SLC25A21: variants seen among roughly 807,000 people sequenced by gnomAD.
SLC25A21 encodes mitochondrial 2-oxodicarboxylate carrier.
In SLC25A21, 47 loss-of-function variants were observed where a neutral mutation model predicts 43.8. That is an observed-to-expected ratio of 1.07 (90% CI 0.85 to 1.37). SLC25A21 has a LOEUF of 1.37. Among genes scored for constraint, SLC25A21 ranks in the 40% most tolerant of loss-of-function variants. The probability of loss-of-function intolerance (pLI) is 0.00; values close to 1 mark genes in which losing one functional copy is unlikely to be tolerated. For synonymous variants in SLC25A21, 131 were observed against 121.3 expected (o/e 1.08, Z -0.52); for missense variants, 352 against 350.2 (o/e 1.00, Z -0.04).
chr14:36,877,693 G>A (rs1371959271), intron 1 of SLC25A21, among the ~76,000 whole-genome samples: 1 of 152,098 alleles, frequency 6.6e-6, no homozygotes, highest in Non-Finnish European at 1.5e-5. Flanking sequence ...AAGGCAGACA[G>A]AGGACAGCAT....
chr14:36,934,862 C>T (rs1892381085), intron 1 of SLC25A21, among the ~76,000 whole-genome samples: 1 of 151,964 alleles, frequency 6.6e-6, no homozygotes, highest in Non-Finnish European at 1.5e-5. Flanking sequence ...GTACTATTTC[C>T]ATCTTAATTG....
chr14:36,964,968 T>C (rs1251821285), intron 1 of SLC25A21, among the ~76,000 whole-genome samples: 1 of 152,190 alleles, frequency 6.6e-6, no homozygotes, highest in Non-Finnish European at 1.5e-5. Flanking sequence ...TAAACTTTTC[T>C]AAATTAACTG....
chr14:36,725,515 A>G, intron 6 of SLC25A21, 55 bp downstream of exon 6: 1 of 630,676 alleles, frequency 1.6e-6, no homozygotes, highest in Non-Finnish European at 2.3e-6. Flanking sequence ...AAATAAATAA[A>G]TAAATAAATA....
chr14:36,967,469 T>C (rs931032576), intron 1 of SLC25A21, among the ~76,000 whole-genome samples: 4 of 152,162 alleles, frequency 2.6e-5, no homozygotes, highest in African/African-American at 9.7e-5. Flanking sequence ...TGTATAGTCA[T>C]TTGACCTGAA....
At chr14:36,748,791 C>T (rs371804686) in intron 3 of SLC25A21, among the ~76,000 whole-genome samples, 36 of 152,276 alleles carry the variant, frequency 2.4e-4, no homozygotes, top group Middle Eastern at 3.4e-3. Context: ...CACCTACTAA[C>T]CATCTCCACG....
chr14:36,758,601 A>AAAG (rs1886024091), intron 3 of SLC25A21, among the ~76,000 whole-genome samples: 1 of 151,988 alleles, frequency 6.6e-6, no homozygotes, highest in Admixed American at 6.6e-5. Context: ...AAAAAAAAAA[A>AAAG]AAAAAAGGAG....
chr14:36,809,740 C>A (rs1395982631), intron 3 of SLC25A21, among the ~76,000 whole-genome samples: 1 of 152,126 alleles, frequency 6.6e-6, no homozygotes, highest in Non-Finnish European at 1.5e-5. Flanking sequence ...AAAGGACAAG[C>A]TCTCAAAACC....
intron 2 of SLC25A21, among the ~76,000 whole-genome samples, chr14:36,814,491 C>T (rs1181045143): frequency 6.6e-6 from 1 of 152,020 alleles, no homozygotes; most frequent in Non-Finnish European, 1.5e-5. Context: ...CCAAACAACC[C>T]CATCAAAAAG....
intron 3 of SLC25A21, among the ~76,000 whole-genome samples, chr14:36,810,567 C>G (rs1298577304): frequency 3.3e-5 from 5 of 152,164 alleles, no homozygotes; most frequent in African/African-American, 4.8e-5. Flanking sequence ...ACTTTTGTCA[C>G]TAGGTGACCT....
chr14:37,118,739 G>C (rs1339347660), intron 1 of SLC25A21, among the ~76,000 whole-genome samples: 3 of 152,112 alleles, frequency 2.0e-5, no homozygotes, highest in Middle Eastern at 3.4e-3. Flanking sequence ...CTTATTCCTT[G>C]ACTCCCATGG....
intron 1 of SLC25A21, among the ~76,000 whole-genome samples, chr14:37,083,392 A>G (rs552853124): frequency 6.6e-6 from 1 of 152,322 alleles, no homozygotes; most frequent in Non-Finnish European, 1.5e-5. Flanking sequence ...ATTATTACTC[A>G]CCATGATTCT....
At chr14:36,832,839 A>G (rs950152856) in intron 2 of SLC25A21, among the ~76,000 whole-genome samples, 2 of 152,196 alleles carry the variant, frequency 1.3e-5, no homozygotes, top group African/African-American at 4.8e-5. Context: ...ACCCAAACAA[A>G]TCTCAGAAAA....
intron 1 of SLC25A21, among the ~76,000 whole-genome samples, chr14:37,159,888 A>G (rs920961325): frequency 9.2e-5 from 14 of 152,178 alleles, no homozygotes; most frequent in African/African-American, 3.4e-4. Context: ...AAAGATAAAT[A>G]ACATCATTAA....
At chr14:36,795,510 G>C (rs1443543712) in intron 3 of SLC25A21, among the ~76,000 whole-genome samples, 1 of 152,206 alleles carries the variant, frequency 6.6e-6, no homozygotes, top group Non-Finnish European at 1.5e-5. Context: ...CAATCACTTA[G>C]ACATGTGTTG....
intron 6 of SLC25A21, among the ~76,000 whole-genome samples, chr14:36,714,612 T>C (rs756307202): frequency 3.3e-5 from 5 of 152,236 alleles, no homozygotes; most frequent in Non-Finnish European, 7.3e-5. Flanking sequence ...TCCCCCTCTA[T>C]ATGGCTTTCC....
intron 1 of SLC25A21, among the ~76,000 whole-genome samples, chr14:36,909,342 G>GT (rs1433055143): frequency 2.0e-5 from 2 of 99,676 alleles, no homozygotes; most frequent in African/African-American, 1.3e-4. Flanking sequence ...AAGATAAGAT[G>GT]CAAAGGACAA....
At chr14:36,746,962 A>G (rs1885522777) in intron 3 of SLC25A21, among the ~76,000 whole-genome samples, 1 of 152,132 alleles carries the variant, frequency 6.6e-6, no homozygotes, top group South Asian at 2.1e-4. Context: ...TAGGTCTGAC[A>G]CATAGTAACA....
intron 1 of SLC25A21, among the ~76,000 whole-genome samples, chr14:37,121,296 G>A (rs1255390829): frequency 6.6e-6 from 1 of 152,104 alleles, no homozygotes; most frequent in Non-Finnish European, 1.5e-5. Flanking sequence ...GACAGGGCAC[G>A]ATTTTTCCCC....
At chr14:36,729,662 C>A (rs908804388) in intron 4 of SLC25A21, 96 bp from the exon 5 acceptor site, 4 of 1,020,262 alleles carry the variant, frequency 3.9e-6, no homozygotes, top group South Asian at 1.6e-5. Context: ...TTATGTTAAC[C>A]AGCATTTCAA....
Sources: allele counts gnomAD v4.1 joint callset (sites outside exome capture counted in the v4.1 genomes callset), GRCh38; gene constraint gnomAD v4.1.1; transcripts MANE v1.5; gene names NCBI Gene and HGNC (gene_info 2026-07-23, HGNC 2026-07-21).